CNTNAP4: variants seen among roughly 807,000 people sequenced by gnomAD.
CNTNAP4 encodes the protein contactin associated protein family member 4.
In CNTNAP4, 98 loss-of-function variants were observed where a neutral mutation model predicts 148.4. That is an observed-to-expected ratio of 0.66 (90% CI 0.56 to 0.78). CNTNAP4 has a LOEUF of 0.78. Ranked by LOEUF, CNTNAP4 falls within the 30% of genes least tolerant of loss-of-function variation. The pLI is 0.00. For missense variants in CNTNAP4, 1,935 were observed against 1,565.6 expected, an observed-to-expected ratio of 1.24 and a Z score of -3.98; for synonymous variants, 730 against 565.1, an observed-to-expected ratio of 1.29 and a Z score of -4.14.
chr16:76,301,956 C>G (rs926851531), intron 1 of CNTNAP4, among the ~76,000 whole-genome samples: 1 of 152,034 alleles, frequency 6.6e-6, no homozygotes, highest in Non-Finnish European at 1.5e-5. Flanking sequence ...AGTTTTGGCT[C>G]TCTGACATCA....
chr16:76,317,252 C>CAAAAAAAAAAAA (rs11149891), intron 2 of CNTNAP4, among the ~76,000 whole-genome samples: 5 of 86,274 alleles, frequency 5.8e-5, no homozygotes, highest in African/African-American at 8.2e-5. Context: ...GACCCTGTCT[C>CAAAAAAAAAAAA]AAAAAAAAAA....
chr16:76,325,270 G>T (rs1014184571), intron 2 of CNTNAP4, among the ~76,000 whole-genome samples: 1 of 152,062 alleles, frequency 6.6e-6, no homozygotes, highest in South Asian at 2.1e-4. Flanking sequence ...AATATGTAAT[G>T]TATATTTATA....
At chr16:76,514,268 A>G (rs906530697) in intron 15 of CNTNAP4, among the ~76,000 whole-genome samples, 3 of 152,170 alleles carry the variant, frequency 2.0e-5, no homozygotes, top group Admixed American at 1.3e-4. Context: ...CTCATTTACT[A>G]TTTTATATAT....
At chr16:76,548,067 C>T (rs1460371870) in intron 21 of CNTNAP4, among the ~76,000 whole-genome samples, 5 of 152,216 alleles carry the variant, frequency 3.3e-5, no homozygotes, top group African/African-American at 7.2e-5. Flanking sequence ...CTGTACATAA[C>T]CTGTGCATTA....
intron 4 of CNTNAP4, among the ~76,000 whole-genome samples, chr16:76,440,318 G>T (rs2079984687): frequency 6.6e-6 from 1 of 151,882 alleles, no homozygotes; most frequent in African/African-American, 2.4e-5. Flanking sequence ...TTTAAAAATT[G>T]ATTTTCTAAT....
intron 3 of CNTNAP4, among the ~76,000 whole-genome samples, chr16:76,384,018 T>G (rs1355341147): frequency 6.6e-6 from 1 of 152,064 alleles, no homozygotes; most frequent in African/African-American, 2.4e-5. Context: ...TTTTTGTTTT[T>G]GTTTGTTTGT....
At chr16:76,382,580 T>G (rs2016087230) in intron 3 of CNTNAP4, among the ~76,000 whole-genome samples, 1 of 152,204 alleles carries the variant, frequency 6.6e-6, no homozygotes, top group African/African-American at 2.4e-5. Flanking sequence ...ATTAAGTAGA[T>G]ATCATATAAC....
chr16:76,426,458 G>A (rs1022446719), intron 3 of CNTNAP4, among the ~76,000 whole-genome samples: 1 of 152,142 alleles, frequency 6.6e-6, no homozygotes, highest in Non-Finnish European at 1.5e-5. Context: ...AGAGGAGAAG[G>A]AGGACCATGA....
chr16:76,342,935 C>T (rs199905652), intron 2 of CNTNAP4, among the ~76,000 whole-genome samples: 5 of 152,276 alleles, frequency 3.3e-5, no homozygotes, highest in African/African-American at 4.8e-5. Flanking sequence ...TTCACAATTA[C>T]TGTAGCTCTC....
rs1959550368 is a variant in CNTNAP4 at position 76,298,480 on chromosome 16, A to G, written c.86-17933A>G. Among the ~76,000 whole-genome samples the G allele has an allele frequency of 3.6e-5, 5 of 138,794 alleles. No homozygotes were observed. In the South Asian group the frequency reaches 1.1e-3, roughly 31 times the overall value. The allele number at this position is 138,794 out of a possible 152,430, so 91.1% of individuals were successfully genotyped here. A position where few individuals can be genotyped will look rare whatever the true frequency, so the allele number is the denominator to read the frequency against. Reference sequence around the variant, plus strand: ...ATTCATTGTGTGTGCACATGTGTGTACATGTATGTGTGTGTGTGTGTGTGT... The same window carrying G: ...ATTCATTGTGTGTGCACATGTGTGTGCATGTATGTGTGTGTGTGTGTGTGT... On this transcript the variant is annotated intron_variant, in intron 1 of 23. Transcript: ENST00000611870.
chr16:76,549,164 CAG>C (rs1491201942), intron 21 of CNTNAP4, among the ~76,000 whole-genome samples: 2 of 152,208 alleles, frequency 1.3e-5, no homozygotes, highest in African/African-American at 4.8e-5. Context: ...AGAAGAATCT[CAG>C]GGGGGGATTT....
At chr16:76,459,798 C>T (rs1261442650) in intron 8 of CNTNAP4, among the ~76,000 whole-genome samples, 2 of 152,096 alleles carry the variant, frequency 1.3e-5, no homozygotes, top group African/African-American at 2.4e-5. Flanking sequence ...GGTAAATTCA[C>T]GACAAAGACT....
chr16:76,304,812 G>A (rs1039965142), intron 1 of CNTNAP4, among the ~76,000 whole-genome samples: 1 of 152,098 alleles, frequency 6.6e-6, no homozygotes, highest in Non-Finnish European at 1.5e-5. Flanking sequence ...ACAGTGGTAG[G>A]CAGAAATGTG....
At chr16:76,524,553 G>C (rs8054609) in intron 17 of CNTNAP4, among the ~76,000 whole-genome samples, 4 of 152,004 alleles carry the variant, frequency 2.6e-5, no homozygotes, top group African/African-American at 9.7e-5. Flanking sequence ...GTGTTGTGCC[G>C]TGTAGGAATC....
chr16:76,346,432 T>TAAAAAAAAA (rs59482710), intron 2 of CNTNAP4, among the ~76,000 whole-genome samples: 1 of 123,772 alleles, frequency 8.1e-6, no homozygotes, highest in Non-Finnish European at 1.7e-5. Flanking sequence ...CTAGGGAAGA[T>TAAAAAAAAA]AAAAAAAAAA....
intron 9 of CNTNAP4, among the ~76,000 whole-genome samples, chr16:76,463,044 C>A (rs748512656): frequency 1.3e-5 from 2 of 152,144 alleles, no homozygotes; most frequent in African/African-American, 2.4e-5. Flanking sequence ...AACAAAAAAA[C>A]TGCTACATAA....
chr16:76,528,208 A>G (rs11865722), intron 17 of CNTNAP4, among the ~76,000 whole-genome samples: 5,554 of 152,232 alleles, frequency 0.036, 313 homozygotes, highest in African/African-American at 0.12. Flanking sequence ...TCTCCATCTT[A>G]CTAACTGGGT....
At chr16:76,370,103 G>C (rs1393449475) in intron 3 of CNTNAP4, among the ~76,000 whole-genome samples, 2 of 152,074 alleles carry the variant, frequency 1.3e-5, no homozygotes, top group Non-Finnish European at 2.9e-5. Flanking sequence ...ATAAACAATA[G>C]CTATCTCCTA....
At chr16:76,475,532 A>G (rs1050607432) in intron 10 of CNTNAP4, among the ~76,000 whole-genome samples, 4 of 152,332 alleles carry the variant, frequency 2.6e-5, no homozygotes, top group African/African-American at 4.8e-5. Flanking sequence ...GAAGAAAGGT[A>G]TTCCTCTGTC....
Sources: gnomAD v4.1 joint callset for allele counts (sites outside exome capture counted in the v4.1 genomes callset) on GRCh38, gnomAD v4.1.1 for gene constraint, MANE v1.5 for transcripts, NCBI Gene and HGNC (gene_info 2026-07-23, HGNC 2026-07-21) for gene names.